The following DSE variants were observed in gnomAD, a reference collection of about 807,000 sequenced individuals.
DSE encodes the protein dermatan sulfate epimerase.
In DSE, 36 loss-of-function variants were observed where a neutral mutation model predicts 84.4. That is an observed-to-expected ratio of 0.43 (90% CI 0.33 to 0.56). The LOEUF (loss-of-function observed/expected upper bound fraction) is 0.56, where lower values mean the gene tolerates loss of function less well. Ranked by LOEUF, DSE falls within the 20% of genes least tolerant of loss-of-function variation. The pLI, the probability that DSE is intolerant of heterozygous loss-of-function variation, is 0.06. For synonymous variants in DSE, 410 were observed against 430.1 expected, an observed-to-expected ratio of 0.95 and a Z score of 0.58; for missense variants, 862 against 1,169.6, an observed-to-expected ratio of 0.74 and a Z score of 3.84.
At chr6:116,318,859 A>G (rs1279523289) in intron 2 of DSE, among the ~76,000 whole-genome samples, 1 of 152,256 alleles carries the variant, frequency 6.6e-6, no homozygotes, top group Non-Finnish European at 1.5e-5. Context: ...TACAAAGCAC[A>G]TAGCAGAAAT....
chr6:116,342,296 T>TC (rs1554215074), intron 2 of DSE, among the ~76,000 whole-genome samples: 15 of 151,472 alleles, frequency 9.9e-5, no homozygotes, highest in Admixed American at 2.0e-4. Flanking sequence ...TTTTTTTTTT[T>TC]CGAGATGGAG....
At chr6:116,264,712 T>C (rs1772546669) in intron 2 of DSE, among the ~76,000 whole-genome samples, 1 of 152,190 alleles carries the variant, frequency 6.6e-6, no homozygotes, top group South Asian at 2.1e-4. Context: ...CTTGTGTTCC[T>C]TCAATCTTTG....
intron 2 of DSE, among the ~76,000 whole-genome samples, chr6:116,299,690 C>G (rs9488891): frequency 0.067 from 10,067 of 151,278 alleles, 679 homozygotes; most frequent in African/African-American, 0.17. Context: ...CAACTTGTAC[C>G]ACATAGAATC....
chr6:116,410,783 G>C lies in DSE; in HGVS notation c.416+11117G>C, dbSNP rs143942390. 1.5e-3 allele frequency among the ~76,000 whole-genome samples: 212 copies of C among 143,196 alleles called. 1 individual carries two copies. Among genetic ancestry groups the C allele is most frequent in the African/African-American group, 5.1e-3 (196 of 38,352 alleles). 93.9% of individuals were successfully genotyped at this position (143,196 alleles called of 152,430 possible). A position where few individuals can be genotyped will look rare whatever the true frequency, so the allele number is the denominator to read the frequency against. ...AAAAAAAAAGAAGAAGAAGAATCTT[G>C]TTGTGGGAGTAGATTGCCAATGTCA... On this transcript the variant is annotated intron_variant, in intron 2 of 5. Transcript: ENST00000644252.
intron 2 of DSE, among the ~76,000 whole-genome samples, chr6:116,407,362 T>C (rs1301621998): frequency 6.6e-6 from 1 of 152,178 alleles, no homozygotes; most frequent in Non-Finnish European, 1.5e-5. Context: ...GTTCACTTTT[T>C]TACATGTCTT....
At chr6:116,329,002 C>A (rs1419849917) in intron 2 of DSE, among the ~76,000 whole-genome samples, 1 of 152,192 alleles carries the variant, frequency 6.6e-6, no homozygotes, top group African/African-American at 2.4e-5. Flanking sequence ...CTGGCAGTTC[C>A]AAGCAATATC....
intron 2 of DSE, among the ~76,000 whole-genome samples, chr6:116,405,159 A>G (rs1188280138): frequency 6.6e-6 from 1 of 152,200 alleles, no homozygotes; most frequent in Non-Finnish European, 1.5e-5. Context: ...TGCTGTACGT[A>G]TGAAAATGAG....
intron 1 of DSE, among the ~76,000 whole-genome samples, chr6:116,379,788 G>T (rs1482775427): frequency 1.3e-5 from 2 of 152,156 alleles, no homozygotes; most frequent in Non-Finnish European, 2.9e-5. Context: ...TTGAATGTCT[G>T]CTGTGGTAAC....
intron 1 of DSE, among the ~76,000 whole-genome samples, chr6:116,393,522 T>A (rs1781043086): frequency 6.6e-6 from 1 of 152,254 alleles, no homozygotes; most frequent in South Asian, 2.1e-4. Context: ...ATAAATATTA[T>A]TGAGCTCTTC....
In DSE at chr6:116,437,602, A is replaced by G; in HGVS notation, c.*257A>G. On this transcript the variant is annotated 3_prime_UTR_variant, in exon 6 of 6. Transcript: ENST00000644252. ...GCATTGCTAATTGAGCAGTCCATAT[A>G]GTACTACTTTTAGAAGAAACAAAAA... The G allele has an allele frequency of 3.2e-6, 1 of 317,326 alleles. No homozygotes were observed. Among genetic ancestry groups the G allele is most frequent in the Admixed American group, 4.6e-5 (1 of 21,740 alleles). 19.7% of individuals were successfully genotyped at this position (317,326 alleles called of 1,614,324 possible). A position where few individuals can be genotyped will look rare whatever the true frequency, so the allele number is the denominator to read the frequency against.
At chr6:116,270,380 A>T (rs1179105109) in intron 2 of DSE, among the ~76,000 whole-genome samples, 1 of 152,178 alleles carries the variant, frequency 6.6e-6, no homozygotes, top group Non-Finnish European at 1.5e-5. Flanking sequence ...GTCCAAGGTT[A>T]AGTTGGAGTT....
intron 2 of DSE, among the ~76,000 whole-genome samples, chr6:116,324,098 T>C (rs971484338): frequency 6.6e-6 from 1 of 152,182 alleles, no homozygotes; most frequent in Non-Finnish European, 1.5e-5. Flanking sequence ...GGTCCCCCTC[T>C]TACCCCTCAC....
At chr6:116,292,159 A>T (rs1426095148) in intron 2 of DSE, among the ~76,000 whole-genome samples, 6 of 152,180 alleles carry the variant, frequency 3.9e-5, no homozygotes, top group African/African-American at 1.4e-4. Context: ...CCAGGAAGAC[A>T]AGTAGAGGAA....
chr6:116,367,185 G>A (rs1779213111), upstream of DSE: 1 of 152,298 alleles, frequency 6.6e-6, no homozygotes, highest in Non-Finnish European at 1.5e-5. Context: ...CTCAGAAATG[G>A]AAGGGAAAGC....
intron 2 of DSE, among the ~76,000 whole-genome samples, chr6:116,425,316 T>C (rs997653984): frequency 3.3e-5 from 5 of 152,166 alleles, no homozygotes; most frequent in South Asian, 4.1e-4. Flanking sequence ...CCAAAAGAGG[T>C]TCATGGCATA....
At chr6:116,339,524 T>C (rs1777466863) in intron 2 of DSE, among the ~76,000 whole-genome samples, 2 of 152,216 alleles carry the variant, frequency 1.3e-5, no homozygotes, top group Admixed American at 1.3e-4. Flanking sequence ...AGCTGTGCTT[T>C]AGGAATATTA....
Position 116,371,569 on chromosome 6 carries a change from G to A in DSE, c.-54+448G>A, listed in dbSNP as rs532588784. 3.3e-5 allele frequency among the ~76,000 whole-genome samples: 5 copies of A among 152,326 alleles called. No individual in the cohort carries two copies. In the East Asian group the frequency reaches 7.7e-4, roughly 24 times the overall value. ...CCCTCCGTACCCCAGCCATTTGGGG[G>A]CAGGGGAGGTGGCGGCGGCTTGTGT... On this transcript the variant is annotated intron_variant, in intron 1 of 5. Transcript: ENST00000644252.
chr6:116,277,693 G>C (rs1480718307), intron 2 of DSE: 1 of 152,064 alleles, frequency 6.6e-6, no homozygotes, highest in Admixed American at 6.6e-5. Flanking sequence ...TCACGAGATC[G>C]GGGTTCGAGA....
chr6:116,332,768 T>A (rs1341037118), intron 2 of DSE, among the ~76,000 whole-genome samples: 4 of 152,132 alleles, frequency 2.6e-5, no homozygotes, highest in Non-Finnish European at 5.9e-5. Flanking sequence ...TCAAGCTACA[T>A]GGTAAAATAT....
Sources: gnomAD v4.1 joint callset for allele counts (sites outside exome capture counted in the v4.1 genomes callset) on GRCh38, gnomAD v4.1.1 for gene constraint, MANE v1.5 for transcripts, NCBI Gene and HGNC (gene_info 2026-07-23, HGNC 2026-07-21) for gene names.